The following FHIT variants were observed in gnomAD, a reference collection of about 807,000 sequenced individuals.
The protein encoded by FHIT is bis(5'-adenosyl)-triphosphatase.
Under a neutral mutation model 17.9 loss-of-function variants are expected in FHIT, and 19 were observed. That is an observed-to-expected ratio of 1.06 (90% CI 0.74 to 1.56). The LOEUF (loss-of-function observed/expected upper bound fraction) is 1.56. Among genes scored for constraint, FHIT ranks in the 40% most tolerant of loss-of-function variants. The pLI, the probability that FHIT is intolerant of heterozygous loss-of-function variation, is 0.00. For synonymous variants in FHIT, 81 were observed against 69.7 expected (o/e 1.16, Z -0.81); for missense variants, 248 against 189.2 (o/e 1.31, Z -1.82).
intron 8 of FHIT, among the ~76,000 whole-genome samples, chr3:59,858,898 C>A (rs1006290376): frequency 5.9e-5 from 9 of 152,082 alleles, no homozygotes; most frequent in Non-Finnish European, 1.0e-4. Flanking sequence ...TATACACATA[C>A]CCAGATATGG....
intron 4 of FHIT, among the ~76,000 whole-genome samples, chr3:60,665,043 T>C (rs1195235662): frequency 1.3e-5 from 2 of 152,012 alleles, no homozygotes; most frequent in African/African-American, 2.4e-5. Context: ...ACTTAGGTTA[T>C]TGATGTGAGG....
At chr3:60,997,028 T>C (rs1333080379) in intron 3 of FHIT, among the ~76,000 whole-genome samples, 1 of 152,246 alleles carries the variant, frequency 6.6e-6, no homozygotes, top group Admixed American at 6.5e-5. Context: ...CTCAGCATTA[T>C]TGAGTAAAAC....
rs1225815167 is a variant in FHIT at position 59,986,789 on chromosome 3, T to A, written c.279+24582A>T. On this transcript the variant is annotated intron_variant, in intron 7 of 9. Transcript: ENST00000492590. ...ATTTATATAAATATATAAATATATATATATAAATATATTTTGTATTATATA... is the reference window on the plus strand; with the variant it reads ...ATTTATATAAATATATAAATATATAAATATAAATATATTTTGTATTATATA... Among the ~76,000 whole-genome samples, 12 of 1,746 alleles carry A rather than the reference T, an allele frequency of 6.9e-3. 5 individuals are homozygous for A. The highest frequency in any genetic ancestry group is 0.041 in the Admixed American group (3 of 74). 1.1% of individuals were successfully genotyped at this position (1,746 alleles called of 152,430 possible).
At chr3:60,577,207 C>T (rs1216977575) in intron 4 of FHIT, among the ~76,000 whole-genome samples, 4 of 152,218 alleles carry the variant, frequency 2.6e-5, no homozygotes, top group Admixed American at 2.0e-4. Flanking sequence ...CCCAAATTAA[C>T]ACTGAGCTAG....
intron 8 of FHIT, among the ~76,000 whole-genome samples, chr3:59,835,745 G>C (rs1220616254): frequency 6.6e-6 from 1 of 152,148 alleles, no homozygotes; most frequent in Non-Finnish European, 1.5e-5. Flanking sequence ...AGGTGTGTTA[G>C]AAAGAAATAC....
intron 5 of FHIT, among the ~76,000 whole-genome samples, chr3:60,047,783 T>C (rs922665647): frequency 1.3e-5 from 2 of 152,204 alleles, no homozygotes; most frequent in Admixed American, 1.3e-4. Context: ...AGTGCCATAC[T>C]AAGAGTCCCA....
chr3:59,790,569 A>C (rs1327164948), intron 8 of FHIT, among the ~76,000 whole-genome samples: 1 of 150,642 alleles, frequency 6.6e-6, no homozygotes, highest in African/African-American at 2.4e-5. Context: ...TCATCATTGC[A>C]TTATTGATAT....
intron 5 of FHIT, among the ~76,000 whole-genome samples, chr3:60,024,925 T>C (rs1472597157): frequency 6.6e-6 from 1 of 152,224 alleles, no homozygotes; most frequent in African/African-American, 2.4e-5. Context: ...CCACTGGGAA[T>C]ATCTTTATTG....
At chr3:61,157,055 T>C (rs887033212) in intron 2 of FHIT, among the ~76,000 whole-genome samples, 1 of 152,106 alleles carries the variant, frequency 6.6e-6, no homozygotes, top group African/African-American at 2.4e-5. Flanking sequence ...AAAAGATAAA[T>C]AAACCACAGA....
At position 60,652,954 on chromosome 3, in the gene FHIT, A is replaced by AAAACAAAACAAAACAAAACC. The variant is rs151052424; in HGVS notation, c.-17-115976_-17-115975insGGTTTTGTTTTGTTTTGTTT. Reference sequence around the variant, plus strand: ...AAAACAAAACAAAACAAAACAAAACAAAACCTTACTCTAGCACATTGCGAT... The same window carrying AAAACAAAACAAAACAAAACC: ...AAAACAAAACAAAACAAAACAAAACAAAACAAAACAAAACAAAACCAAACCTTACTCTAGCACATTGCGAT... On this transcript the variant is annotated intron_variant, in intron 4 of 9. Transcript: ENST00000492590. 1.1e-3 allele frequency among the ~76,000 whole-genome samples: 147 copies of AAAACAAAACAAAACAAAACC among 130,172 alleles called. 1 individual carries two copies. In the East Asian group the frequency reaches 0.015, roughly 13 times the overall value. 85.4% of individuals were successfully genotyped at this position (130,172 alleles called of 152,430 possible).
intron 5 of FHIT, among the ~76,000 whole-genome samples, chr3:60,327,089 CACA>C (rs1220929738): frequency 6.6e-6 from 1 of 152,152 alleles, no homozygotes; most frequent in Non-Finnish European, 1.5e-5. Flanking sequence ...ACCTGCCAAC[CACA>C]ACATTTCCTA....
At chr3:60,923,358 T>C (rs1178535781) in intron 3 of FHIT, among the ~76,000 whole-genome samples, 1 of 152,172 alleles carries the variant, frequency 6.6e-6, no homozygotes, top group African/African-American at 2.4e-5. Flanking sequence ...TCTCAGAGCC[T>C]CCATTTCCCT....
intron 5 of FHIT, among the ~76,000 whole-genome samples, chr3:60,355,970 G>A (rs6778218): frequency 0.46 from 69,295 of 151,920 alleles, 16,660 homozygotes; most frequent in South Asian, 0.6. Flanking sequence ...CTCAAGAAGC[G>A]TAAGGGAAAT....
Position 60,170,456 on chromosome 3 carries a change from C to T in FHIT, c.104-156304G>A, listed in dbSNP as rs76967761. ...TTATCACTTGCAACTGATAATCCATCCCACGTGAGTATAAATGTGAAGAAA... is the reference window on the plus strand; with the variant it reads ...TTATCACTTGCAACTGATAATCCATTCCACGTGAGTATAAATGTGAAGAAA... On this transcript the variant is annotated intron_variant, in intron 5 of 9. Coordinates refer to ENST00000492590, the MANE Select transcript of FHIT (RefSeq NM_002012.4). Among the ~76,000 whole-genome samples the T allele has an allele frequency of 6.2e-4, 94 of 152,258 alleles. 1 individual carries two copies. The highest frequency in any genetic ancestry group is 2.2e-3 in the African/African-American group (91 of 41,552).
At chr3:61,128,745 A>C (rs1576067940) in intron 2 of FHIT, among the ~76,000 whole-genome samples, 1 of 152,234 alleles carries the variant, frequency 6.6e-6, no homozygotes, top group East Asian at 1.9e-4. Flanking sequence ...CTCAAAAGGG[A>C]AACACTTATC....
chr3:60,033,487 T>G (rs960933689), intron 5 of FHIT, among the ~76,000 whole-genome samples: 4 of 130,778 alleles, frequency 3.1e-5, no homozygotes, highest in Non-Finnish European at 6.5e-5. Context: ...AGAACGAAAC[T>G]CCATCCCAAA....
chr3:60,407,363 C>T (rs1425138009), intron 5 of FHIT, among the ~76,000 whole-genome samples: 1 of 151,994 alleles, frequency 6.6e-6, no homozygotes, highest in Non-Finnish European at 1.5e-5. Context: ...TTCATCAATT[C>T]ACCCCAAAAG....
At chr3:60,379,412 A>C (rs1020232521) in intron 5 of FHIT, among the ~76,000 whole-genome samples, 6 of 152,156 alleles carry the variant, frequency 3.9e-5, no homozygotes, top group Admixed American at 3.9e-4. Context: ...TAGATACTTA[A>C]TGTAGATAAT....
intron 2 of FHIT, among the ~76,000 whole-genome samples, chr3:61,175,153 C>T (rs1339080555): frequency 2.6e-5 from 4 of 152,172 alleles, no homozygotes; most frequent in African/African-American, 9.6e-5. Flanking sequence ...ATATAAATAC[C>T]TCACAGTTTG....
Sources: gnomAD v4.1 joint callset for allele counts (sites outside exome capture counted in the v4.1 genomes callset) on GRCh38, gnomAD v4.1.1 for gene constraint, MANE v1.5 for transcripts, NCBI Gene and HGNC (gene_info 2026-07-23, HGNC 2026-07-21) for gene names.